Variants in ITPKB observed in about 807,000 individuals in gnomAD.
ITPKB encodes inositol-trisphosphate 3-kinase B.
A neutral mutation model predicts 69.4 loss-of-function variants in ITPKB; 13 were observed. That is an observed-to-expected ratio of 0.19 (90% CI 0.12 to 0.30). ITPKB has a LOEUF of 0.30. Ranked by LOEUF, ITPKB falls within the 10% of genes least tolerant of loss-of-function variation. ITPKB has a pLI of 1.00. For synonymous variants in ITPKB, 584 were observed against 513.7 expected, an observed-to-expected ratio of 1.14 and a Z score of -1.85; for missense variants, 1,240 against 1,250.5, an observed-to-expected ratio of 0.99 and a Z score of 0.13.
At chr1:226,650,628 G>C (rs920227890) in intron 2 of ITPKB, among the ~76,000 whole-genome samples, 1 of 152,222 alleles carries the variant, frequency 6.6e-6, no homozygotes, top group East Asian at 1.9e-4. Flanking sequence ...GGTGGGTCCA[G>C]GGGGAGAGTG....
At chr1:226,635,393 T>A (rs1668813577) in intron 7 of ITPKB, among the ~76,000 whole-genome samples, 1 of 152,176 alleles carries the variant, frequency 6.6e-6, no homozygotes, top group South Asian at 2.1e-4. Context: ...GCTAACTTTT[T>A]GTTTTTTATT....
chr1:226,711,405 A>AAGAGAGAGAG (rs59479705), intron 2 of ITPKB, among the ~76,000 whole-genome samples: 37 of 129,878 alleles, frequency 2.8e-4, no homozygotes, highest in Non-Finnish European at 3.3e-4. Context: ...GGTGTTTTGA[A>AAGAGAGAGAG]AGAGAGAGAG....
At chr1:226,681,664 GT>G (rs1656096667) in intron 2 of ITPKB, among the ~76,000 whole-genome samples, 1 of 152,132 alleles carries the variant, frequency 6.6e-6, no homozygotes, top group South Asian at 2.1e-4. Context: ...TTTTTGCATT[GT>G]GCAGATTTGG....
intron 2 of ITPKB, among the ~76,000 whole-genome samples, chr1:226,649,070 T>C (rs1419040111): frequency 6.6e-6 from 1 of 152,216 alleles, no homozygotes; most frequent in Admixed American, 6.5e-5. Context: ...CATTAGTTCA[T>C]ATTCAATTCG....
rs371342063 is a variant in ITPKB at position 226,645,401 on chromosome 1, C to T, written c.2246+1766G>A. Among the ~76,000 whole-genome samples, 52 of 152,262 alleles carry T rather than the reference C, an allele frequency of 3.4e-4. No homozygotes were observed. In the South Asian group the frequency reaches 0.01, roughly 30 times the overall value. ...TCAGAGAGAAGCTGCGGAAGTCAAG[C>T]GGCTGGGTGGGGGCAGCCCTGGGGC... On this transcript the variant is annotated intron_variant, in intron 4 of 7. Coordinates refer to ENST00000429204, the MANE Select transcript of ITPKB (RefSeq NM_002221.4).
At chr1:226,726,723 C>G (rs1015322742) in intron 2 of ITPKB, among the ~76,000 whole-genome samples, 12 of 152,030 alleles carry the variant, frequency 7.9e-5, no homozygotes, top group Non-Finnish European at 1.8e-4. Flanking sequence ...GTTCAGCGGC[C>G]GCATATAGAC....
chr1:226,648,468 AAC>A (rs1439581227), intron 3 of ITPKB, among the ~76,000 whole-genome samples: 2 of 149,708 alleles, frequency 1.3e-5, no homozygotes, highest in Admixed American at 6.7e-5. Flanking sequence ...AGGATGGGGT[AAC>A]ACAGACTCCA....
In ITPKB at chr1:226,634,656, G is replaced by A; in HGVS notation, c.*15C>T. 1.3e-6 allele frequency: 1 copy of A among 778,340 alleles called. No homozygotes were observed. The highest frequency in any genetic ancestry group is 1.3e-5 in the South Asian group (1 of 74,282). 48.2% of individuals were successfully genotyped at this position (778,340 alleles called of 1,614,324 possible). A position where few individuals can be genotyped will look rare whatever the true frequency, so the allele number is the denominator to read the frequency against. On this transcript the variant is annotated 3_prime_UTR_variant, in exon 8 of 8. Transcript: ENST00000429204. The surrounding 1 kb of genome is among the most constrained non-coding windows in gnomAD (Gnocchi z 6.3). ...AAAGGAGGCCCAGGCGGGGGCCAGG[G>A]AGGGCGTGGGCAGCTCAGGCGAGTG...
chr1:226,723,648 T>A (rs1277204499), intron 2 of ITPKB, among the ~76,000 whole-genome samples: 1 of 151,922 alleles, frequency 6.6e-6, no homozygotes, highest in African/African-American at 2.4e-5. Context: ...CTCTAAAAGA[T>A]GCACCAAGAA....
chr1:226,721,466 A>G (rs777740675), intron 2 of ITPKB, among the ~76,000 whole-genome samples: 1 of 151,208 alleles, frequency 6.6e-6, no homozygotes, highest in Non-Finnish European at 1.5e-5. Context: ...GTTCCCTTTT[A>G]TGACATCTGG....
chr1:226,637,295 C>T lies in ITPKB; in HGVS notation c.2625+384G>A, dbSNP rs774312021. Among the ~76,000 whole-genome samples the T allele has an allele frequency of 5.3e-5, 8 of 152,244 alleles. No individual in the cohort carries two copies. Among genetic ancestry groups the T allele is most frequent in the Non-Finnish European group, 8.8e-5 (6 of 68,038 alleles). ...CACCTGAAGACCTGCCTGCCCTCCT[C>T]AGGGTCTCATCTGAAGATGTAGGTG... On this transcript the variant is annotated intron_variant, in intron 7 of 7. Transcript: ENST00000429204. This position sits in a 1 kb window ranked among gnomAD's most constrained non-coding sequence, Gnocchi z 4.3.
chr1:226,665,750 C>T (rs1392992941), intron 2 of ITPKB, among the ~76,000 whole-genome samples: 2 of 152,180 alleles, frequency 1.3e-5, no homozygotes, highest in Non-Finnish European at 2.9e-5. Context: ...CTGAGCAGTA[C>T]CTGACTCTGA....
At chr1:226,702,372 T>C (rs1393757571) in intron 2 of ITPKB, among the ~76,000 whole-genome samples, 1 of 145,466 alleles carries the variant, frequency 6.9e-6, no homozygotes, top group African/African-American at 2.6e-5. Flanking sequence ...CACTCCAGCC[T>C]GGGCGACACA....
chr1:226,657,607 G>A (rs1669320874), intron 2 of ITPKB, among the ~76,000 whole-genome samples: 1 of 152,194 alleles, frequency 6.6e-6, no homozygotes, highest in Admixed American at 6.5e-5. Flanking sequence ...CTGCGTGTGT[G>A]CAAAGAGATC....
rs3754417 is a variant in ITPKB at position 226,738,305 on chromosome 1, A to G, written c.-205-642T>C. 0.033 allele frequency among the ~76,000 whole-genome samples: 4,987 copies of G among 152,222 alleles called. 197 individuals are homozygous for G. Among genetic ancestry groups the G allele is most frequent in the Admixed American group, 0.076 (1,156 of 15,302 alleles). ...TCGGCCTACGAAGGCCTGGGCGGGCAGCGGGGCCGCAGCCGAAGCATTTTT... is the reference window on the plus strand; with the variant it reads ...TCGGCCTACGAAGGCCTGGGCGGGCGGCGGGGCCGCAGCCGAAGCATTTTT... On this transcript the variant is annotated intron_variant, in intron 1 of 7. Coordinates refer to ENST00000429204, the MANE Select transcript of ITPKB (RefSeq NM_002221.4). This position sits in a 1 kb window ranked among gnomAD's most constrained non-coding sequence, Gnocchi z 4.2.
intron 2 of ITPKB, among the ~76,000 whole-genome samples, chr1:226,666,834 T>C (rs138029469): frequency 2.6e-5 from 4 of 152,288 alleles, no homozygotes; most frequent in African/African-American, 9.6e-5. Context: ...CTTCTGTGGC[T>C]TCCCTAAAGC....
At chr1:226,656,308 G>A (rs4653459) in intron 2 of ITPKB, among the ~76,000 whole-genome samples, 3,237 of 152,264 alleles carry the variant, frequency 0.021, 106 homozygotes, top group Admixed American at 0.088. Context: ...CAGCATCCAG[G>A]AGGAGGGAGA....
intron 2 of ITPKB, among the ~76,000 whole-genome samples, chr1:226,676,942 C>T (rs1461351939): frequency 1.3e-5 from 2 of 152,206 alleles, no homozygotes; most frequent in Non-Finnish European, 2.9e-5. Context: ...GTCTTTTACG[C>T]AAGAACTAAA....
Position 226,641,669 on chromosome 1 carries a change from A to G in ITPKB, c.2451+252T>C, listed in dbSNP as rs1048598804. On this transcript the variant is annotated intron_variant, in intron 5 of 7. Transcript: ENST00000429204. This position sits in a 1 kb window ranked among gnomAD's most constrained non-coding sequence, Gnocchi z 4.6. ...GCCAGGCACCGTCTGGGCTAAATGG[A>G]GAGTCCTCGGCAGAGGGCTGACAGC... is the stretch of plus-strand genomic sequence containing the variant. 2.0e-5 allele frequency among the ~76,000 whole-genome samples: 3 copies of G among 152,214 alleles called. No homozygotes were observed. The highest frequency in any genetic ancestry group is 4.8e-5 in the African/African-American group (2 of 41,470).
Sources: gnomAD v4.1 joint callset for allele counts (sites outside exome capture counted in the v4.1 genomes callset) on GRCh38, gnomAD v4.1.1 for gene constraint, Gnocchi (gnomAD v3.1) non-coding constraint, MANE v1.5 for transcripts, NCBI Gene and HGNC (gene_info 2026-07-23, HGNC 2026-07-21) for gene names.